The following CSMD3 variants were observed in gnomAD, a reference collection of about 807,000 sequenced individuals.
CSMD3 encodes CUB and Sushi multiple domains 3.
Under a neutral mutation model 435.2 loss-of-function variants are expected in CSMD3, and 177 were observed. The observed-to-expected ratio is 0.41, with a 90% CI of 0.36 to 0.46. The LOEUF (loss-of-function observed/expected upper bound fraction) is 0.46, where lower values mean the gene tolerates loss of function less well. Among genes scored for constraint, CSMD3 ranks in the 20% least tolerant of loss-of-function variants. The pLI, the probability that CSMD3 is intolerant of heterozygous loss-of-function variation, is 0.34. For synonymous variants in CSMD3, 1,656 were observed against 1,520.5 expected, an observed-to-expected ratio of 1.09 and a Z score of -2.07; for missense variants, 4,265 against 4,504.6, an observed-to-expected ratio of 0.95 and a Z score of 1.52.
At chr8:112,586,231 T>C (rs1261036977) in intron 23 of CSMD3, among the ~76,000 whole-genome samples, 1 of 151,562 alleles carries the variant, frequency 6.6e-6, no homozygotes, top group African/African-American at 2.4e-5. Context: ...TAACATAATT[T>C]TTTTTCAAGA....
At position 112,303,248 on chromosome 8, in the gene CSMD3, G is replaced by T. The variant is rs371663485; in HGVS notation, c.8267-1282C>A. 2.0e-5 allele frequency among the ~76,000 whole-genome samples: 3 copies of T among 152,168 alleles called. No individual in the cohort carries two copies. The East Asian group carries it at 5.8e-4, about 29-fold the overall frequency. ...AAAATCCTGGGAAAAAAACTTGGAGGACTAGTACAAAAATTTAGAAATACA... is the reference window on the plus strand; with the variant it reads ...AAAATCCTGGGAAAAAAACTTGGAGTACTAGTACAAAAATTTAGAAATACA... On this transcript the variant is annotated intron_variant, in intron 52 of 70. Coordinates refer to ENST00000297405, the MANE Select transcript of CSMD3 (RefSeq NM_198123.2).
At chr8:112,522,837 T>G (rs1824442115) in intron 27 of CSMD3, among the ~76,000 whole-genome samples, 1 of 151,954 alleles carries the variant, frequency 6.6e-6, no homozygotes, top group African/African-American at 2.4e-5. Flanking sequence ...ATTTTATCTT[T>G]GCTTCCATCT....
intron 14 of CSMD3, 118 bp downstream of exon 14, chr8:112,689,750 G>A: frequency 1.3e-6 from 1 of 795,456 alleles, no homozygotes; most frequent in Non-Finnish European, 2.1e-6. Flanking sequence ...GCATCACAAA[G>A]TGCTACTCAC....
intron 3 of CSMD3, among the ~76,000 whole-genome samples, chr8:113,265,580 T>C (rs2093463122): frequency 6.6e-6 from 1 of 151,644 alleles, no homozygotes; most frequent in African/African-American, 2.4e-5. Flanking sequence ...AAGTGATTTA[T>C]ACCTTCCTGG....
rs147777627 is a variant in CSMD3 at position 112,318,871 on chromosome 8, T to C, written c.7326A>G (p.Arg2442=). Residue 2442 remains arginine, a synonymous_variant, in exon 47 of 71, where the codon CGA becomes CGG. Coordinates refer to ENST00000297405, the MANE Select transcript of CSMD3 (RefSeq NM_198123.2). ...CTGGAGGTGCTCCATCCATCTGCAG[T>C]CGTTCTCCTAATCTGCACGTCAGAA... ...NAILTCRLGE[R]LQMDGAPPVC... 29 of 1,612,420 alleles carry C rather than the reference T, an allele frequency of 1.8e-5. No individual in the cohort carries two copies. The highest frequency in any genetic ancestry group is 2.5e-5 in the Non-Finnish European group (29 of 1,179,282).
chr8:113,361,784 G>A (rs1053402345), intron 1 of CSMD3, among the ~76,000 whole-genome samples: 1 of 152,040 alleles, frequency 6.6e-6, no homozygotes, highest in Non-Finnish European at 1.5e-5. Flanking sequence ...AAGCTATAAA[G>A]CACAATTTAT....
At chr8:113,197,396 A>T (rs1433480069) in intron 3 of CSMD3, among the ~76,000 whole-genome samples, 2 of 151,226 alleles carry the variant, frequency 1.3e-5, no homozygotes, top group Non-Finnish European at 3.0e-5. Context: ...ACTCCAAAAA[A>T]AAATCCAAAA....
intron 34 of CSMD3, 39 bp downstream of exon 34, chr8:112,408,279 T>C: frequency 1.7e-6 from 2 of 1,202,926 alleles, no homozygotes; most frequent in Non-Finnish European, 2.5e-6. Context: ...GAAAATTATA[T>C]CATTCCTTAG....
chr8:113,099,298 G>A (rs1176744719), intron 4 of CSMD3, among the ~76,000 whole-genome samples: 2 of 151,976 alleles, frequency 1.3e-5, no homozygotes, highest in African/African-American at 2.4e-5. Context: ...TTAAACAAAG[G>A]AAACATGTAT....
At chr8:112,571,648 C>T (rs1829523888) in intron 24 of CSMD3, among the ~76,000 whole-genome samples, 1 of 151,612 alleles carries the variant, frequency 6.6e-6, no homozygotes, top group African/African-American at 2.4e-5. Context: ...GTGGGAGGAT[C>T]GCCTGAGGTC....
intron 30 of CSMD3, among the ~76,000 whole-genome samples, chr8:112,500,857 T>C (rs1821869838): frequency 6.6e-6 from 1 of 151,684 alleles, no homozygotes; most frequent in Non-Finnish European, 1.5e-5. Flanking sequence ...ATGAGTACAG[T>C]AAGGAGAAGA....
intron 50 of CSMD3, among the ~76,000 whole-genome samples, chr8:112,309,059 T>C (rs1218020798): frequency 6.6e-6 from 1 of 152,062 alleles, no homozygotes; most frequent in Non-Finnish European, 1.5e-5. Context: ...GATTTACATA[T>C]ATTTTATCAT....
chr8:113,134,825 T>G (rs2131701066), intron 4 of CSMD3, among the ~76,000 whole-genome samples: 1 of 152,028 alleles, frequency 6.6e-6, no homozygotes, highest in African/African-American at 2.4e-5. Context: ...AGCTGGAAAG[T>G]CCAAGAGTAA....
intron 3 of CSMD3, among the ~76,000 whole-genome samples, chr8:113,272,142 G>A (rs922908511): frequency 2.6e-5 from 4 of 152,144 alleles, no homozygotes; most frequent in Non-Finnish European, 5.9e-5. Flanking sequence ...ATAGGTGCAA[G>A]CGACTTACCT....
intron 4 of CSMD3, among the ~76,000 whole-genome samples, chr8:113,151,649 G>A (rs1449182024): frequency 6.6e-6 from 1 of 151,944 alleles, no homozygotes; most frequent in African/African-American, 2.4e-5. Flanking sequence ...GAGGAATTTA[G>A]TCAGTTTTAT....
intron 5 of CSMD3, among the ~76,000 whole-genome samples, chr8:113,061,840 G>A (rs1264506399): frequency 6.6e-6 from 1 of 151,750 alleles, no homozygotes; most frequent in African/African-American, 2.4e-5. Context: ...AAGATGTGTA[G>A]ATGCATAGCC....
rs573474800 is a variant in CSMD3, at chr8:112,886,351, CTTTT to C, written c.1634-27089_1634-27086del. ...TTTGAAATGTTTCTTCTGTCTTTTT[CTTTT>C]TTTTTCTTTTTCTGAAAAGAAAATG... On this transcript the variant is annotated intron_variant, in intron 10 of 70. Coordinates refer to ENST00000297405, the MANE Select transcript of CSMD3 (RefSeq NM_198123.2). Among the ~76,000 whole-genome samples the C allele has an allele frequency of 2.0e-5, 3 of 149,674 alleles. No individual in the cohort carries two copies. The Admixed American group carries it at 2.0e-4, about 10-fold the overall frequency.
chr8:112,859,539 G>A (rs556001153), intron 10 of CSMD3, among the ~76,000 whole-genome samples: 1 of 151,812 alleles, frequency 6.6e-6, no homozygotes, highest in Non-Finnish European at 1.5e-5. Context: ...AAATAGGTGT[G>A]TTTAATTAGA....
At chr8:112,809,098 C>A (rs1353246797) in intron 12 of CSMD3, among the ~76,000 whole-genome samples, 1 of 152,126 alleles carries the variant, frequency 6.6e-6, no homozygotes. Context: ...GGTTGCCAGA[C>A]CTATGAAATT....
Sources: allele counts gnomAD v4.1 joint callset (sites outside exome capture counted in the v4.1 genomes callset), GRCh38; gene constraint gnomAD v4.1.1; transcripts MANE v1.5; gene names NCBI Gene and HGNC (gene_info 2026-07-23, HGNC 2026-07-21).